DAB2IP: variants seen among roughly 807,000 people sequenced by gnomAD.
DAB2IP encodes DAB2 interacting protein.
DAB2IP carries 28 observed loss-of-function variants against 107.2 expected under a neutral mutation model. The observed-to-expected ratio is 0.26, with a 90% confidence interval of 0.19 to 0.36. The LOEUF is 0.36. DAB2IP is among the 10% of genes least tolerant of loss of function. DAB2IP has a pLI of 1.00. For missense variants in DAB2IP, 1,400 were observed against 1,644.7 expected (o/e 0.85, Z 2.57); for synonymous variants, 755 against 706.4 (o/e 1.07, Z -1.09).
At chr9:121,747,613 C>T (rs1832807723) in intron 3 of DAB2IP, among the ~76,000 whole-genome samples, 5 of 152,096 alleles carry the variant, frequency 3.3e-5, no homozygotes, top group Admixed American at 2.0e-4. Context: ...TCCCAAAGTG[C>T]TGGGATTACA....
chr9:121,574,100 G>A (rs193184536), intron 1 of DAB2IP, among the ~76,000 whole-genome samples: 2 of 152,286 alleles, frequency 1.3e-5, no homozygotes, highest in Admixed American at 1.3e-4. Flanking sequence ...TGACTCCCTG[G>A]GCCTTCCTTT....
chr9:121,782,514 A>G lies in DAB2IP; in HGVS notation c.*16A>G, dbSNP rs766905249. 6.2e-7 allele frequency: 1 copy of G among 1,612,426 alleles called. No individual in the cohort carries two copies. The highest frequency in any genetic ancestry group is 1.7e-5 in the Admixed American group (1 of 59,976). On this transcript the variant is annotated 3_prime_UTR_variant, in exon 16 of 16. Coordinates refer to ENST00000408936, the Ensembl canonical transcript of DAB2IP. The surrounding 1 kb of genome is among the most constrained non-coding windows in gnomAD (Gnocchi z 6.1). Reference sequence around the variant, plus strand: ...CAATTGTTAACCTGCCTGAGGAGGGAGGAAGCTACCCAAGGAGAGGGGGAC... The same window carrying G: ...CAATTGTTAACCTGCCTGAGGAGGGGGGAAGCTACCCAAGGAGAGGGGGAC...
At chr9:121,605,163 G>A (rs1376891559) in intron 1 of DAB2IP, among the ~76,000 whole-genome samples, 1 of 151,790 alleles carries the variant, frequency 6.6e-6, no homozygotes, top group East Asian at 2.0e-4. Context: ...GGGACTACAG[G>A]TGCTCGCCAC....
intron 14 of DAB2IP, among the ~76,000 whole-genome samples, chr9:121,777,746 T>C (rs1010211494): frequency 6.6e-6 from 1 of 152,278 alleles, no homozygotes. Flanking sequence ...AGGCTGTTTA[T>C]GTACTATTGT....
chr9:121,680,994 C>T (rs995711722), intron 2 of DAB2IP, among the ~76,000 whole-genome samples: 3 of 152,116 alleles, frequency 2.0e-5, no homozygotes, highest in South Asian at 2.1e-4. Flanking sequence ...CCTACCACCT[C>T]GGCCTCTCAA....
chr9:121,586,801 C>T (rs945619608), intron 1 of DAB2IP, among the ~76,000 whole-genome samples: 44 of 148,578 alleles, frequency 3.0e-4, no homozygotes, highest in Admixed American at 7.4e-4. Context: ...GCCTGGGTGA[C>T]AAAGTAAAAA....
At chr9:121,690,231 C>T (rs1263719133) in intron 2 of DAB2IP, among the ~76,000 whole-genome samples, 1 of 152,164 alleles carries the variant, frequency 6.6e-6, no homozygotes, top group Non-Finnish European at 1.5e-5. Context: ...TCTTGCCACT[C>T]ATGCAGTGCA....
At chr9:121,748,609 G>A (rs890478709) in intron 3 of DAB2IP, among the ~76,000 whole-genome samples, 1 of 152,248 alleles carries the variant, frequency 6.6e-6, no homozygotes, top group Non-Finnish European at 1.5e-5. Flanking sequence ...TTTGTGCAGA[G>A]TTGTTGGGAG....
chr9:121,567,547 C>A (rs983773894), intron 1 of DAB2IP, among the ~76,000 whole-genome samples: 2 of 152,232 alleles, frequency 1.3e-5, no homozygotes, highest in African/African-American at 4.8e-5. Flanking sequence ...GCCTGTCTGC[C>A]TACCTCGCTG....
intron 1 of DAB2IP, among the ~76,000 whole-genome samples, chr9:121,577,930 G>A (rs770480003): frequency 2.6e-5 from 4 of 152,064 alleles, no homozygotes; most frequent in African/African-American, 7.2e-5. Context: ...GGGCTGTCCC[G>A]GGTCAGGATC....
intron 2 of DAB2IP, among the ~76,000 whole-genome samples, chr9:121,697,079 G>C (rs868862166): frequency 3.9e-5 from 6 of 152,298 alleles, no homozygotes; most frequent in Middle Eastern, 6.8e-3. Flanking sequence ...TTACCATTCT[G>C]AGTAGGCTTT....
In DAB2IP at chr9:121,737,707, A is replaced by T. The variant is rs1033003343; in HGVS notation, c.363-19306A>T. 3 of 985,310 alleles carry T rather than the reference A, an allele frequency of 3.0e-6. No homozygotes were observed. The African/African-American group carries it at 5.2e-5, about 17-fold the overall frequency. 61.0% of individuals were successfully genotyped at this position (985,310 alleles called of 1,614,324 possible). A position where few individuals can be genotyped will look rare whatever the true frequency, so the allele number is the denominator to read the frequency against. The stretch of plus-strand genomic sequence containing the variant: ...GGTCAGCAGAGAGGCCTGCGCTCCC[A>T]CCACAAAGGTCTGTTTGAAGTCCTG... On this transcript the variant is annotated intron_variant, in intron 3 of 15. Coordinates refer to ENST00000408936, the Ensembl canonical transcript of DAB2IP.
intron 2 of DAB2IP, among the ~76,000 whole-genome samples, chr9:121,689,187 T>C (rs1829036930): frequency 6.6e-6 from 1 of 151,576 alleles, no homozygotes; most frequent in African/African-American, 2.4e-5. Context: ...CCAGCTACTA[T>C]GGAGGCTGAG....
chr9:121,781,593 G>A (rs760230224), intron 15 of DAB2IP, 42 bp downstream of exon 15: 39 of 1,595,256 alleles, frequency 2.4e-5, no homozygotes, highest in Non-Finnish European at 3.2e-5. Context: ...GAGTTAAAGG[G>A]CCTGGGATTA....
intron 1 of DAB2IP, among the ~76,000 whole-genome samples, chr9:121,671,512 T>C (rs1159302331): frequency 1.3e-5 from 2 of 152,220 alleles, no homozygotes; most frequent in African/African-American, 2.4e-5. Flanking sequence ...TGGGGGACCA[T>C]CATTCTGCCT....
chr9:121,768,507 C>T lies in DAB2IP; in HGVS notation c.1773C>T (p.Phe591=), dbSNP rs757701846. The change falls in exon 10 of 16, where the codon TTC becomes TTT. Residue 591 remains phenylalanine, a synonymous_variant. Transcript: ENST00000408936. The stretch of plus-strand genomic sequence containing the variant: ...ATGAGTGGACCAACATGCAGCGCTT[C>T]CTGCTGGAGATCTCCAACCCCGAGA... 3.7e-6 allele frequency: 6 copies of T among 1,614,214 alleles called. No homozygotes were observed. The South Asian group carries it at 5.5e-5, about 15-fold the overall frequency.
chr9:121,608,614 A>T (rs953385037), intron 1 of DAB2IP, among the ~76,000 whole-genome samples: 1 of 152,182 alleles, frequency 6.6e-6, no homozygotes, highest in Non-Finnish European at 1.5e-5. Context: ...CTAGAATGCT[A>T]TGATAAGGAT....
upstream of DAB2IP, among the ~76,000 whole-genome samples, chr9:121,649,761 G>A (rs917769010): frequency 1.3e-5 from 2 of 152,348 alleles, no homozygotes; most frequent in African/African-American, 4.8e-5. Context: ...GGCCAGAGGA[G>A]GATGCATGCT....
At position 121,698,708 on chromosome 9, in the gene DAB2IP, A is replaced by G. The variant is rs12003143; in HGVS notation, c.229-617A>G. Among the ~76,000 whole-genome samples, 12,705 of 152,250 alleles carry G rather than the reference A, an allele frequency of 0.083. 1,288 individuals carry two copies. The highest frequency in any genetic ancestry group is 0.24 in the African/African-American group (9,860 of 41,524). Reference sequence around the variant, plus strand: ...GAAAGTCGCCCGGAATCGGGGTCTAAGTGGCCAGGGCACTGCCAGGCGCAG... The same window carrying G: ...GAAAGTCGCCCGGAATCGGGGTCTAGGTGGCCAGGGCACTGCCAGGCGCAG... On this transcript the variant is annotated intron_variant, in intron 2 of 15. Transcript: ENST00000408936. The surrounding 1 kb of genome is among the most constrained non-coding windows in gnomAD (Gnocchi z 4.1).
Sources: allele counts gnomAD v4.1 joint callset (sites outside exome capture counted in the v4.1 genomes callset), GRCh38; gene constraint gnomAD v4.1.1; non-coding constraint Gnocchi (gnomAD v3.1); transcripts MANE v1.5; gene names NCBI Gene and HGNC (gene_info 2026-07-23, HGNC 2026-07-21).